Variants in IMPA2 observed in about 807,000 individuals in gnomAD.
The protein encoded by IMPA2 is IMP 2.
IMPA2 carries 32 observed loss-of-function variants against 35.1 expected under a neutral mutation model. The ratio of observed to expected loss-of-function variants is 0.91; its 90% CI spans 0.69 to 1.23. IMPA2 has a LOEUF of 1.23. Among genes scored for constraint, IMPA2 ranks in the 50% most tolerant of loss-of-function variants. The probability of loss-of-function intolerance (pLI) is 0.00; values close to 1 mark genes in which losing one functional copy is unlikely to be tolerated. For synonymous variants in IMPA2, 135 were observed against 160.6 expected (o/e 0.84, Z 1.20); for missense variants, 334 against 387.6 (o/e 0.86, Z 1.16).
rs1310904797 is a variant in IMPA2, at chr18:11,981,642, G to A, written c.-28G>A. ...AGCCGGAGTCCCGCCGAGGGGGGCTGGAGGTGGAGGGGCCCGGCGAGGCCG... is the reference window on the plus strand; with the variant it reads ...AGCCGGAGTCCCGCCGAGGGGGGCTAGAGGTGGAGGGGCCCGGCGAGGCCG... On this transcript the variant is annotated 5_prime_UTR_variant, in exon 1 of 8. Transcript: ENST00000269159. 1.6e-6 allele frequency: 2 copies of A among 1,223,000 alleles called. No homozygotes were observed. Among genetic ancestry groups the A allele is most frequent in the South Asian group, 8.1e-5 (2 of 24,614 alleles). 75.8% of individuals were successfully genotyped at this position (1,223,000 alleles called of 1,614,324 possible). A position where few individuals can be genotyped will look rare whatever the true frequency, so the allele number is the denominator to read the frequency against.
chr18:12,024,192 A>T lies in IMPA2; in HGVS notation c.491-3851A>T, dbSNP rs117475580. Among the ~76,000 whole-genome samples the T allele has an allele frequency of 6.8e-4, 103 of 152,340 alleles. No individual in the cohort carries two copies. In the East Asian group the frequency reaches 0.019, roughly 28 times the overall value. ...CAAAAGATGTATATGAGATGTTTTT[A>T]TATTGAAAGAGTGAGCAACAGAATA... On this transcript the variant is annotated intron_variant, in intron 5 of 7. Transcript: ENST00000269159.
chr18:11,989,675 A>T (rs1240443309), intron 1 of IMPA2, among the ~76,000 whole-genome samples: 2 of 152,164 alleles, frequency 1.3e-5, no homozygotes, highest in Non-Finnish European at 2.9e-5. Context: ...GGGCAGCCTC[A>T]TCCCAGCCCT....
At chr18:12,023,008 T>C (rs1169341334) in intron 5 of IMPA2, among the ~76,000 whole-genome samples, 1 of 139,710 alleles carries the variant, frequency 7.2e-6, no homozygotes, top group Non-Finnish European at 1.5e-5. Context: ...TTGGCCAGGC[T>C]GGTCTCGAAC....
intron 2 of IMPA2, among the ~76,000 whole-genome samples, chr18:12,002,801 T>C (rs920908306): frequency 6.7e-6 from 1 of 149,522 alleles, no homozygotes; most frequent in African/African-American, 2.5e-5. Flanking sequence ...AAAGGAACCC[T>C]TGCAGACTGT....
chr18:12,007,659 CT>C (rs796362327), intron 2 of IMPA2, among the ~76,000 whole-genome samples: 17 of 105,710 alleles, frequency 1.6e-4, no homozygotes, highest in Admixed American at 3.4e-4. Flanking sequence ...TTCTTTCTTT[CT>C]TTCTTTCTTT....
chr18:12,016,258 G>T (rs976772693), intron 5 of IMPA2, among the ~76,000 whole-genome samples: 1 of 152,132 alleles, frequency 6.6e-6, no homozygotes, highest in African/African-American at 2.4e-5. Context: ...AAAAGAATCA[G>T]TGAAAACCTA....
chr18:12,028,667 C>T, intron 6 of IMPA2, 175 bp from the exon 7 acceptor site: 1 of 719,786 alleles, frequency 1.4e-6, no homozygotes, highest in South Asian at 1.9e-5. Context: ...TGGCGGAGGC[C>T]TGTTGGTTGG....
chr18:12,016,422 C>T (rs1352182936), intron 5 of IMPA2, among the ~76,000 whole-genome samples: 1 of 150,422 alleles, frequency 6.6e-6, no homozygotes, highest in Non-Finnish European at 1.5e-5. Context: ...CCTGATTCTG[C>T]CGCTTTTTTT....
intron 5 of IMPA2, among the ~76,000 whole-genome samples, chr18:12,023,332 G>T (rs1279679070): frequency 3.3e-5 from 5 of 152,128 alleles, no homozygotes; most frequent in African/African-American, 1.2e-4. Context: ...CCAAGCTTGG[G>T]TTTCTCATCT....
intron 2 of IMPA2, among the ~76,000 whole-genome samples, chr18:12,003,131 G>T (rs919747316): frequency 6.6e-6 from 1 of 151,986 alleles, no homozygotes; most frequent in African/African-American, 2.4e-5. Context: ...GGAGGTGGAG[G>T]TTACAGTGAG....
rs1005761500 is a variant in IMPA2 at position 12,014,118 on chromosome 18, C to G, written c.382-147C>G. ...TTTAAATGCAGGCACTGCTTTTTCT[C>G]AGTTCCTTTTGGAAAGGTAATTTCT... On this transcript the variant is annotated intron_variant, in intron 4 of 7. Transcript: ENST00000269159. 9.3e-6 allele frequency: 6 copies of G among 642,950 alleles called. No individual in the cohort carries two copies. In the East Asian group the frequency reaches 1.2e-4, roughly 13 times the overall value. 39.8% of individuals were successfully genotyped at this position (642,950 alleles called of 1,614,324 possible).
Position 11,984,983 on chromosome 18 carries a change from AAAC to A in IMPA2, c.96+3224_96+3226del, listed in dbSNP as rs1224835562. On this transcript the variant is annotated intron_variant, in intron 1 of 7. Transcript: ENST00000269159. ...ACTCCGTCTCAAAAAAAAAAAAAAA[AAAC>A]AACAAAAATCAGTCGAGCGTGGTGG... Among the ~76,000 whole-genome samples the A allele has an allele frequency of 1.8e-3, 214 of 121,956 alleles. 1 individual carries two copies. The highest frequency in any genetic ancestry group is 5.4e-3 in the African/African-American group (181 of 33,274). The allele number at this position is 121,956 out of a possible 152,430, so 80.0% of individuals were successfully genotyped here. A position where few individuals can be genotyped will look rare whatever the true frequency, so the allele number is the denominator to read the frequency against.
intron 2 of IMPA2, among the ~76,000 whole-genome samples, chr18:12,002,945 C>T (rs1024348339): frequency 1.3e-5 from 2 of 151,848 alleles, no homozygotes; most frequent in African/African-American, 4.8e-5. Flanking sequence ...GTAATCCCTG[C>T]ACTTTGGGAG....
At chr18:12,022,091 G>T (rs1467307347) in intron 5 of IMPA2, among the ~76,000 whole-genome samples, 1 of 151,798 alleles carries the variant, frequency 6.6e-6, no homozygotes, top group Non-Finnish European at 1.5e-5. Flanking sequence ...ACCATTCAAT[G>T]ACATTAATTA....
chr18:12,030,030 G>T (rs556753903), intron 7 of IMPA2, among the ~76,000 whole-genome samples: 3 of 152,320 alleles, frequency 2.0e-5, no homozygotes, highest in Admixed American at 2.0e-4. Flanking sequence ...TCCCCTGTTC[G>T]GGTCTAGCCC....
intron 2 of IMPA2, among the ~76,000 whole-genome samples, chr18:12,005,439 T>C (rs639457): frequency 0.42 from 64,304 of 151,770 alleles, 15,814 homozygotes; most frequent in African/African-American, 0.66. Flanking sequence ...GAGCCATGAT[T>C]GTGCCACTGC....
At chr18:12,025,657 G>T (rs553445480) in intron 5 of IMPA2, among the ~76,000 whole-genome samples, 1 of 152,202 alleles carries the variant, frequency 6.6e-6, no homozygotes, top group South Asian at 2.1e-4. Flanking sequence ...TTGGCTAACC[G>T]CAACGTCTGT....
intron 1 of IMPA2, among the ~76,000 whole-genome samples, chr18:11,992,494 C>T (rs1014604258): frequency 6.6e-6 from 1 of 152,158 alleles, no homozygotes; most frequent in Non-Finnish European, 1.5e-5. Flanking sequence ...GATAGTTGGA[C>T]GTCTCCATGA....
chr18:11,995,356 T>C (rs1906931692), intron 1 of IMPA2, among the ~76,000 whole-genome samples: 1 of 152,232 alleles, frequency 6.6e-6, no homozygotes, highest in African/African-American at 2.4e-5. Flanking sequence ...GTTGCAGGTC[T>C]TGCTTTCAGT....
Sources: allele counts gnomAD v4.1 joint callset (sites outside exome capture counted in the v4.1 genomes callset), GRCh38; gene constraint gnomAD v4.1.1; transcripts MANE v1.5; gene names NCBI Gene and HGNC (gene_info 2026-07-23, HGNC 2026-07-21).